The following WDR49 variants were observed in gnomAD, a reference collection of about 807,000 sequenced individuals.
WDR49 encodes cilia- and flagella-associated protein 337.
In WDR49, 107 loss-of-function variants were observed where a neutral mutation model predicts 119.5. The observed-to-expected ratio is 0.90, with a 90% CI of 0.77 to 1.05. The LOEUF (loss-of-function observed/expected upper bound fraction) is 1.05, where lower values mean the gene tolerates loss of function less well. Ranked by LOEUF, WDR49 falls within the 50% of genes least tolerant of loss-of-function variation. The pLI, the probability that WDR49 is intolerant of heterozygous loss-of-function variation, is 0.00. For synonymous variants in WDR49, 425 were observed against 418.8 expected (o/e 1.01, Z -0.18); for missense variants, 1,240 against 1,220.5 (o/e 1.02, Z -0.24).
intron 16 of WDR49, among the ~76,000 whole-genome samples, chr3:167,505,638 CA>C (rs1157879827): frequency 6.6e-6 from 1 of 152,096 alleles, no homozygotes; most frequent in Non-Finnish European, 1.5e-5. Flanking sequence ...CCAGAGTGTC[CA>C]AGAGTCTAAT....
intron 10 of WDR49, among the ~76,000 whole-genome samples, chr3:167,551,655 G>A (rs182870816): frequency 2.6e-5 from 4 of 151,972 alleles, no homozygotes; most frequent in East Asian, 1.9e-4. Context: ...GTAAAATAAG[G>A]TTGCTAATAC....
intron 2 of WDR49, among the ~76,000 whole-genome samples, chr3:167,640,133 A>C (rs910849000): frequency 7.2e-5 from 11 of 151,866 alleles, no homozygotes; most frequent in African/African-American, 2.7e-4. Flanking sequence ...TGGAGGAATC[A>C]ATTAGATAGA....
intron 10 of WDR49, among the ~76,000 whole-genome samples, chr3:167,553,361 A>G (rs1034206479): frequency 6.6e-5 from 10 of 152,046 alleles, no homozygotes; most frequent in African/African-American, 2.4e-4. Context: ...CCACCCACCA[A>G]CATAGATAGA....
intron 5 of WDR49, among the ~76,000 whole-genome samples, chr3:167,616,104 G>A (rs1716584267): frequency 6.6e-6 from 1 of 152,154 alleles, no homozygotes; most frequent in Non-Finnish European, 1.5e-5. Flanking sequence ...GCTTACTATG[G>A]TGCCTACTAC....
At chr3:167,495,021 G>A (rs2108203183) in intron 18 of WDR49, among the ~76,000 whole-genome samples, 1 of 152,230 alleles carries the variant, frequency 6.6e-6, no homozygotes, top group East Asian at 1.9e-4. Context: ...CCGAATTAAG[G>A]AAAAGAGTGA....
At chr3:167,559,452 C>T (rs1713133421) in intron 9 of WDR49, among the ~76,000 whole-genome samples, 1 of 151,992 alleles carries the variant, frequency 6.6e-6, no homozygotes, top group African/African-American at 2.4e-5. Context: ...AAAAGTTGAC[C>T]ATTTTGAAAA....
intron 10 of WDR49, among the ~76,000 whole-genome samples, chr3:167,540,129 A>G (rs1284212786): frequency 1.3e-5 from 2 of 152,190 alleles, no homozygotes; most frequent in Non-Finnish European, 2.9e-5. Context: ...ACCCTGCTCC[A>G]AGGAAGGAGA....
chr3:167,636,667 T>C lies in WDR49; in HGVS notation c.166-9375A>G, dbSNP rs186729776. ...CATGCCAACATGTATTAGTTTTTGATTTTTTGATTATGGTCATTCTGCAGG... is the reference window on the plus strand; with the variant it reads ...CATGCCAACATGTATTAGTTTTTGACTTTTTGATTATGGTCATTCTGCAGG... On this transcript the variant is annotated intron_variant, in intron 2 of 18. Coordinates refer to ENST00000682715, the MANE Select transcript of WDR49 (RefSeq NM_001366157.1). 1.8e-3 allele frequency among the ~76,000 whole-genome samples: 271 copies of C among 151,828 alleles called. 1 individual carries two copies. Among genetic ancestry groups the C allele is most frequent in the African/African-American group, 6.2e-3 (256 of 41,504 alleles).
At chr3:167,621,017 T>A (rs993963085) in intron 4 of WDR49, among the ~76,000 whole-genome samples, 10 of 152,084 alleles carry the variant, frequency 6.6e-5, no homozygotes, top group African/African-American at 2.2e-4. Context: ...CCCTCTCTAA[T>A]CCTTTTGTTA....
Position 167,638,823 on chromosome 3 carries a change from CT to C in WDR49, c.166-11532del, listed in dbSNP as rs1416156046. Among the ~76,000 whole-genome samples, 4 of 151,486 alleles carry C rather than the reference CT, an allele frequency of 2.6e-5. No individual in the cohort carries two copies. In the Admixed American group the frequency reaches 2.6e-4, roughly 10 times the overall value. On this transcript the variant is annotated intron_variant, in intron 2 of 18. Transcript: ENST00000682715. ...TTTGAATAAAGTTAAAGTTTTGTAA[CT>C]AACAAAGACACAGACCTTGACTGAA...
chr3:167,571,470 A>C (rs1713936436), intron 8 of WDR49, among the ~76,000 whole-genome samples: 1 of 152,184 alleles, frequency 6.6e-6, no homozygotes, highest in Non-Finnish European at 1.5e-5. Flanking sequence ...TACCTTGAAG[A>C]GATATAGTCA....
intron 7 of WDR49, among the ~76,000 whole-genome samples, chr3:167,576,567 G>C (rs932887256): frequency 6.6e-6 from 1 of 152,160 alleles, no homozygotes; most frequent in African/African-American, 2.4e-5. Context: ...ATTTGGGTGA[G>C]TCCAATCATA....
At chr3:167,522,092 T>A (rs1177866654) in intron 16 of WDR49, among the ~76,000 whole-genome samples, 6 of 152,106 alleles carry the variant, frequency 3.9e-5, no homozygotes, top group Non-Finnish European at 4.4e-5. Flanking sequence ...TAGATGGCAC[T>A]TAATACATAT....
intron 2 of WDR49, among the ~76,000 whole-genome samples, chr3:167,644,857 T>A (rs1718042529): frequency 6.6e-6 from 1 of 152,146 alleles, no homozygotes; most frequent in Non-Finnish European, 1.5e-5. Context: ...TATTTGCCAA[T>A]CTGATGATTA....
intron 18 of WDR49, among the ~76,000 whole-genome samples, chr3:167,488,159 C>CAT (rs1291926546): frequency 2.1e-5 from 3 of 143,880 alleles, no homozygotes; most frequent in African/African-American, 5.8e-5. Context: ...CACACACACA[C>CAT]ACACACACAC....
Position 167,527,811 on chromosome 3 carries a change from T to C in WDR49, c.2604+9A>G. ...AAATACTAGAATAATAAAGAAGCAATATTTCTACCTGACCAAAGATCCAAA... is the reference window on the plus strand; with the variant it reads ...AAATACTAGAATAATAAAGAAGCAACATTTCTACCTGACCAAAGATCCAAA... On this transcript the variant is annotated intron_variant, in intron 15 of 18. Coordinates refer to ENST00000682715, the MANE Select transcript of WDR49 (RefSeq NM_001366157.1). The C allele has an allele frequency of 6.2e-7, 1 of 1,608,886 alleles. No homozygotes were observed. Among genetic ancestry groups the C allele is most frequent in the South Asian group, 1.1e-5 (1 of 90,110 alleles).
intron 16 of WDR49, among the ~76,000 whole-genome samples, chr3:167,520,594 G>A (rs767229537): frequency 3.3e-5 from 5 of 152,060 alleles, no homozygotes; most frequent in Non-Finnish European, 2.9e-5. Flanking sequence ...CATAATTCAA[G>A]GAAATGGAAG....
At chr3:167,653,134 ATTT>A in intron 2 of WDR49, 124 bp downstream of exon 2, 1 of 1,125,166 alleles carries the variant, frequency 8.9e-7, no homozygotes, top group Non-Finnish European at 1.3e-6. Flanking sequence ...CTAACCAATT[ATTT>A]TTAATTCTCT....
At position 167,620,583 on chromosome 3, in the gene WDR49, G is replaced by A. The variant is rs761752882; in HGVS notation, c.804C>T (p.Thr268=). Reference sequence around the variant, plus strand: ...GTTCAAACAGGGAAATCAAGGCTGCGGTGAAAGCAATTGCTTGAACCTTGA... The same window carrying A: ...GTTCAAACAGGGAAATCAAGGCTGCAGTGAAAGCAATTGCTTGAACCTTGA... ...ITGKVQAIAF[T]AALISLFERP... The change falls in exon 5 of 19, where the codon ACC becomes ACT. Residue 268 remains threonine, a synonymous_variant. Transcript: ENST00000682715. 2.7e-5 allele frequency: 41 copies of A among 1,533,886 alleles called. No homozygotes were observed. The highest frequency in any genetic ancestry group is 9.8e-5 in the East Asian group (4 of 40,844).
Sources: allele counts gnomAD v4.1 joint callset (sites outside exome capture counted in the v4.1 genomes callset), GRCh38; gene constraint gnomAD v4.1.1; transcripts MANE v1.5; gene names NCBI Gene and HGNC (gene_info 2026-07-23, HGNC 2026-07-21).